MUC4: variants seen among roughly 807,000 people sequenced by gnomAD.
MUC4 encodes mucin-4.
In MUC4, 202 loss-of-function variants were observed where a neutral mutation model predicts 257.9. The ratio of observed to expected loss-of-function variants is 0.78; its 90% CI spans 0.70 to 0.88. The LOEUF (loss-of-function observed/expected upper bound fraction) is 0.88. Among genes scored for constraint, MUC4 ranks in the 40% least tolerant of loss-of-function variants. The pLI, the probability that MUC4 is intolerant of heterozygous loss-of-function variation, is 0.00. For synonymous variants in MUC4, 2,351 were observed against 2,757.1 expected, an observed-to-expected ratio of 0.85 and a Z score of 4.62; for missense variants, 5,976 against 6,513.7, an observed-to-expected ratio of 0.92 and a Z score of 2.84.
At chr3:195,778,161 A>C in intron 3 of MUC4, 142 bp downstream of exon 3, 1 of 1,141,524 alleles carries the variant, frequency 8.8e-7, no homozygotes, top group Middle Eastern at 3.1e-4. Flanking sequence ...GCCAGCCCTC[A>C]GGAGCGACTC....
chr3:195,781,744 G>C lies in MUC4; in HGVS notation c.9836C>G (p.Thr3279Ser). The C allele has an allele frequency of 1.4e-6, 2 of 1,468,802 alleles. No individual in the cohort carries two copies. The allele number at this position is 1,468,802 out of a possible 1,614,324, so 91.0% of individuals were successfully genotyped here. A position where few individuals can be genotyped will look rare whatever the true frequency, so the allele number is the denominator to read the frequency against. The change falls in exon 2 of 25, where the codon ACC becomes AGC. Residue 3279 changes from threonine (T) to serine (S), a missense_variant. Physicochemically the swap from Thr to Ser is moderately conservative, Grantham distance 58 (BLOSUM62 1). This residue lies in a region of MUC4 where 51 missense variants were observed against 66.9 expected (regional missense o/e 0.76). Transcript: ENST00000463781. ...GGAAGTGTCGGTGACAGGAAGAGAGGTGGTGTCACCTGTGTATGCTGAGGA... is the reference window on the plus strand; with the variant it reads ...GGAAGTGTCGGTGACAGGAAGAGAGCTGGTGTCACCTGTGTATGCTGAGGA... The part of the protein sequence containing the change: ...DTSSAYTGDT[T>S]SLPVTDTSSS...
rs560091358 is a variant in MUC4 at position 195,794,373 on chromosome 3, T to TATAG, written c.83-2877_83-2876insCTAT. Among the ~76,000 whole-genome samples, 9 of 148,794 alleles carry TATAG rather than the reference T, an allele frequency of 6.0e-5. No individual in the cohort carries two copies. The South Asian group carries it at 1.1e-3, about 17-fold the overall frequency. Reference sequence around the variant, plus strand: ...TTTTTTCTTTTTAAACATATATATATAGAGAGAGAGAGAGAGAGAAGAAAG... The same window carrying TATAG: ...TTTTTTCTTTTTAAACATATATATATATAGAGAGAGAGAGAGAGAGAGAAGAAAG... On this transcript the variant is annotated intron_variant, in intron 1 of 24. Transcript: ENST00000463781.
intron 16 of MUC4, 103 bp downstream of exon 16, chr3:195,760,781 G>A (rs1718713277): frequency 1.1e-6 from 1 of 929,938 alleles, no homozygotes; most frequent in Middle Eastern, 3.3e-4. Flanking sequence ...GGAAGAATCT[G>A]CTCAGTGAAT....
At chr3:195,778,229 G>T in intron 3 of MUC4, 74 bp downstream of exon 3, 1 of 1,490,544 alleles carries the variant, frequency 6.7e-7, no homozygotes, top group Non-Finnish European at 9.0e-7. Flanking sequence ...CGGAGACTGT[G>T]GGAAGTAGGC....
At chr3:195,803,225 G>A (rs1252684763) in intron 1 of MUC4, among the ~76,000 whole-genome samples, 2 of 152,164 alleles carry the variant, frequency 1.3e-5, no homozygotes, top group African/African-American at 4.8e-5. Flanking sequence ...AGGTCCGGAC[G>A]GACTGGGACC....
rs148222509 is a variant in MUC4, at chr3:195,790,372, G to T, written c.1208C>A (p.Thr403Asn). The change falls in exon 2 of 25, where the codon ACT becomes AAT. Residue 403 changes from threonine (T) to asparagine (N), a missense_variant. Transcript: ENST00000463781. ...VFRMPTSRDS[T>N]LGNTEETSLS... is the part of the protein sequence containing the mutation. ...TGATGTCTCCTCTGTGTTTCCAAGA[G>T]TAGAGTCTCTGGAGGTTGGCATTCT... 266 of 1,613,868 alleles carry T rather than the reference G, an allele frequency of 1.6e-4. 1 individual carries two copies. In the African/African-American group the frequency reaches 2.9e-3, roughly 17 times the overall value.
rs1733809638 is a variant in MUC4 at position 195,791,167 on chromosome 3, A to C, written c.413T>G (p.Ile138Arg). ...GGAGTCTGTGGAGGTTGTCATTGTT[A>C]TAGTCTTTGATGTCATCATGAGTGT... ...TNTLMMTSKT[I>R]TMTTSTDSTL... Residue 138 changes from isoleucine to arginine, a missense_variant, in exon 2 of 25, where the codon ATA (isoleucine) becomes AGA (arginine). Coordinates refer to ENST00000463781, the MANE Select transcript of MUC4 (RefSeq NM_018406.7). 1 of 1,613,738 alleles carries C rather than the reference A, an allele frequency of 6.2e-7. No individual in the cohort carries two copies. Among genetic ancestry groups the C allele is most frequent in the Non-Finnish European group, 8.5e-7 (1 of 1,179,866 alleles).
chr3:195,801,461 C>G (rs1735302190), intron 1 of MUC4, among the ~76,000 whole-genome samples: 1 of 151,982 alleles, frequency 6.6e-6, no homozygotes, highest in Admixed American at 6.6e-5. Context: ...TCCCTCCTGC[C>G]CGGATGGCTC....
chr3:195,796,628 T>A (rs1278693804), intron 1 of MUC4, among the ~76,000 whole-genome samples: 1 of 151,696 alleles, frequency 6.6e-6, no homozygotes, highest in Non-Finnish European at 1.5e-5. Context: ...GAGGCAGAGG[T>A]TGCAGTGAGC....
chr3:195,774,278 C>T lies in MUC4; in HGVS notation c.12971G>A (p.Gly4324Asp), dbSNP rs2259292. ...CCTGACGAACTCCAGGTCCCCGGCG[C>T]CTGCCCCATAGGGGAAGAGGGAAAC... ...RGVSLFPYGA[G>D]AGDLEFVRRT... The change falls in exon 4 of 25, where the codon GGC (glycine) becomes GAC (aspartate). Residue 4324 changes from glycine to aspartate, a missense_variant. Gly to Asp is a moderately conservative substitution (Grantham distance 94, BLOSUM62 -1). Coordinates refer to ENST00000463781, the MANE Select transcript of MUC4 (RefSeq NM_018406.7). 905,718 of 1,580,482 alleles carry T rather than the reference C, an allele frequency of 0.57. 261,628 individuals are homozygous for T. The highest frequency in any genetic ancestry group is 0.73 in the East Asian group (31,639 of 43,320).
intron 1 of MUC4, among the ~76,000 whole-genome samples, chr3:195,802,181 C>G (rs1290728794): frequency 6.6e-6 from 1 of 152,216 alleles, no homozygotes; most frequent in Non-Finnish European, 1.5e-5. Flanking sequence ...ATGCTAACAA[C>G]AGTCCCCCAG....
At chr3:195,807,494 A>G (rs1736132082) in intron 1 of MUC4, among the ~76,000 whole-genome samples, 1 of 151,904 alleles carries the variant, frequency 6.6e-6, no homozygotes, top group Non-Finnish European at 1.5e-5. Context: ...AACCCAAAAA[A>G]CCAACAACAA....
At chr3:195,794,072 G>T (rs905673750) in intron 1 of MUC4, among the ~76,000 whole-genome samples, 31 of 140,064 alleles carry the variant, frequency 2.2e-4, no homozygotes, top group African/African-American at 8.5e-4. Context: ...GCGAGACCCT[G>T]TGTCTTAAAA....
chr3:195,771,800 T>G lies in MUC4; in HGVS notation c.13094A>C (p.Gln4365Pro), dbSNP rs776283483. 57 of 1,613,806 alleles carry G rather than the reference T, an allele frequency of 3.5e-5. No homozygotes were observed. The highest frequency in any genetic ancestry group is 4.7e-5 in the Non-Finnish European group (56 of 1,179,858). ...GTAGTCTGACTCTGGGAAGATGATCTGGCCATTGTCTGTGAACTGAGCACA... is the reference window on the plus strand; with the variant it reads ...GTAGTCTGACTCTGGGAAGATGATCGGGCCATTGTCTGTGAACTGAGCACA... ...RDSLYFTDNGQIIFPESDYQI... is the reference protein window; with the variant it reads ...RDSLYFTDNGPIIFPESDYQI... The change falls in exon 5 of 25, where the codon CAG becomes CCG. Residue 4365 changes from glutamine (Q) to proline (P), a missense_variant. Gln to Pro is a moderately conservative substitution (Grantham distance 76, BLOSUM62 -1). Transcript: ENST00000463781.
chr3:195,792,808 AG>A (rs1734035614), intron 1 of MUC4, among the ~76,000 whole-genome samples: 3 of 152,380 alleles, frequency 2.0e-5, no homozygotes, highest in South Asian at 4.1e-4. Context: ...GCCATGAAAA[AG>A]GAATGGGATC....
chr3:195,789,494 C>T lies in MUC4; in HGVS notation c.2086G>A (p.Ala696Thr). The T allele has an allele frequency of 6.2e-7, 1 of 1,613,894 alleles. No individual in the cohort carries two copies. Among genetic ancestry groups the T allele is most frequent in the East Asian group, 2.2e-5 (1 of 44,878 alleles). The change falls in exon 2 of 25, where the codon GCC becomes ACC. Residue 696 changes from alanine (A) to threonine (T), a missense_variant. Ala to Thr is a moderately conservative substitution (Grantham distance 58, BLOSUM62 0). This residue lies in a region of MUC4 where 1,583 missense variants were observed against 1,257.4 expected (regional missense o/e 1.26). Transcript: ENST00000463781. ...APTISAATTFAPAPTGDGHTT... is the reference protein window; with the variant it reads ...APTISAATTFTPAPTGDGHTT... Reference sequence around the variant, plus strand: ...TGACCATCCCCGGTGGGAGCTGGGGCAAAGGTTGTTGCTGCACTTATGGTG... The same window carrying T: ...TGACCATCCCCGGTGGGAGCTGGGGTAAAGGTTGTTGCTGCACTTATGGTG...
intron 1 of MUC4, among the ~76,000 whole-genome samples, chr3:195,795,684 A>G (rs2550239): frequency 0.85 from 129,127 of 151,926 alleles, 55,482 homozygotes; most frequent in African/African-American, 0.97. Flanking sequence ...CAAAAAAGGT[A>G]GACTAGAAAG....
chr3:195,761,871 C>G (rs1719009204), intron 14 of MUC4, among the ~76,000 whole-genome samples: 1 of 152,160 alleles, frequency 6.6e-6, no homozygotes. Flanking sequence ...CCGCAGCCCC[C>G]CCTGATGCTC....
chr3:195,786,874 A>C lies in MUC4; in HGVS notation c.4706T>G (p.Leu1569Arg). ...TGCTGAGGAAGGGCTGGTGACAGGA[A>C]GAGGGGTGGTGTGACCTGTGGATAC... ...SSVSTGHTTP[L>R]PVTSPSSAST... The change falls in exon 2 of 25, where the codon CTT becomes CGT. Residue 1569 changes from leucine to arginine, a missense_variant. Coordinates refer to ENST00000463781, the MANE Select transcript of MUC4 (RefSeq NM_018406.7). The C allele has an allele frequency of 6.5e-7, 1 of 1,530,452 alleles. No individual in the cohort carries two copies. The allele number at this position is 1,530,452 out of a possible 1,614,324, so 94.8% of individuals were successfully genotyped here. A position where few individuals can be genotyped will look rare whatever the true frequency, so the allele number is the denominator to read the frequency against.
Sources: allele counts gnomAD v4.1 joint callset (sites outside exome capture counted in the v4.1 genomes callset), GRCh38; gene constraint gnomAD v4.1.1; regional missense constraint gnomAD v4.1.1; transcripts MANE v1.5; gene names NCBI Gene and HGNC (gene_info 2026-07-23, HGNC 2026-07-21).